Variants in ACSL4 observed in about 807,000 individuals in gnomAD.
The protein encoded by ACSL4 is long-chain-fatty-acid--CoA ligase 4.
ACSL4 carries 9 observed loss-of-function variants against 49.1 expected under a neutral mutation model. The ratio of observed to expected loss-of-function variants is 0.18; its 90% CI spans 0.11 to 0.32. The LOEUF is 0.32. Among genes scored for constraint, ACSL4 ranks in the 10% least tolerant of loss-of-function variants. ACSL4 has a pLI of 1.00. For missense variants in ACSL4, 333 were observed against 493.7 expected (o/e 0.67, Z 3.08); for synonymous variants, 191 against 170.3 (o/e 1.12, Z -0.95).
chrX:109,682,144 TAC>T lies in ACSL4; in HGVS notation c.406+573_406+574del, dbSNP rs776065915. 2.7e-5 allele frequency among the ~76,000 whole-genome samples: 3 copies of T among 112,060 alleles called. No homozygotes were observed. In the South Asian group the frequency reaches 1.1e-3, roughly 42 times the overall value. ...AAATTTAAGCTCTATAATCCTAACT[TAC>T]AGTGTTATATTTCATTCAACAAACA... is the stretch of plus-strand genomic sequence containing the variant. On this transcript the variant is annotated intron_variant, in intron 4 of 15. Transcript: ENST00000672401.
chrX:109,674,576 C>T, intron 8 of ACSL4, 103 bp from the exon 9 acceptor site: 2 of 575,449 alleles, frequency 3.5e-6, no homozygotes, highest in South Asian at 5.3e-5. Flanking sequence ...GGAATTTGAG[C>T]TTTTATTGCT....
chrX:109,667,328 A>T (rs938215983), intron 11 of ACSL4, among the ~76,000 whole-genome samples: 1 of 112,590 alleles, frequency 8.9e-6, no homozygotes, highest in Non-Finnish European at 1.9e-5. Context: ...TGGCAACTAA[A>T]TATTCTGCAA....
chrX:109,644,386 C>T (rs5985751), intron 15 of ACSL4, among the ~76,000 whole-genome samples, 200 bp from the exon 16 acceptor site: 1,613 of 110,388 alleles, frequency 0.015, 25 homozygotes, highest in East Asian at 0.061. Flanking sequence ...TTAATGCTAC[C>T]TCTACCTTAC....
intron 15 of ACSL4, among the ~76,000 whole-genome samples, chrX:109,650,721 CT>C (rs1055170143): frequency 8.9e-6 from 1 of 111,920 alleles, no homozygotes; most frequent in African/African-American, 3.2e-5. Context: ...CTTTGTCTCT[CT>C]ATACCTTCTT....
At chrX:109,695,142 T>TGA (rs781477738) in intron 2 of ACSL4, among the ~76,000 whole-genome samples, 1 of 109,851 alleles carries the variant, frequency 9.1e-6, no homozygotes, top group Admixed American at 9.6e-5. Flanking sequence ...GTCAGGAGTT[T>TGA]GAGACCAGCC....
At chrX:109,706,242 C>G (rs1432701921) in intron 1 of ACSL4, among the ~76,000 whole-genome samples, 1 of 112,112 alleles carries the variant, frequency 8.9e-6, no homozygotes, top group Non-Finnish European at 1.9e-5. Context: ...GACTAAGAAG[C>G]TAAAATAGGG....
intron 1 of ACSL4, among the ~76,000 whole-genome samples, chrX:109,703,467 A>T (rs7057123): frequency 0.018 from 1,970 of 109,371 alleles, 33 homozygotes; most frequent in African/African-American, 0.063. Context: ...TATTTTTTTT[A>T]AAAAAGTAAA....
At chrX:109,670,159 C>T (rs1463823258) in intron 9 of ACSL4, among the ~76,000 whole-genome samples, 1 of 112,354 alleles carries the variant, frequency 8.9e-6, no homozygotes, top group African/African-American at 3.2e-5. Context: ...TTTATAAATA[C>T]GTGTTTCCAA....
chrX:109,731,287 T>A (rs188933761), intron 1 of ACSL4, among the ~76,000 whole-genome samples: 1 of 110,575 alleles, frequency 9.0e-6, no homozygotes, highest in Admixed American at 9.7e-5. Flanking sequence ...TTGTCATATA[T>A]ATTCATTATA....
chrX:109,711,445 T>C (rs1470759859), intron 1 of ACSL4, among the ~76,000 whole-genome samples: 1 of 111,986 alleles, frequency 8.9e-6, no homozygotes, highest in East Asian at 2.8e-4. Flanking sequence ...ATGGATGACC[T>C]AGGGCAAAAT....
chrX:109,715,159 T>A (rs1424102433), intron 1 of ACSL4, among the ~76,000 whole-genome samples: 2 of 112,218 alleles, frequency 1.8e-5, no homozygotes, highest in South Asian at 3.6e-4. Context: ...TAAACATGTA[T>A]AATAATTTTG....
intron 1 of ACSL4, among the ~76,000 whole-genome samples, chrX:109,721,363 G>A (rs5985403): frequency 9.0e-6 from 1 of 110,827 alleles, no homozygotes; most frequent in East Asian, 2.8e-4. Flanking sequence ...AGAGTTGGTC[G>A]TACAAAACCC....
intron 1 of ACSL4, among the ~76,000 whole-genome samples, chrX:109,715,646 T>G (rs5985761): frequency 0.32 from 34,735 of 108,824 alleles, 4,196 homozygotes; most frequent in Middle Eastern, 0.41. Flanking sequence ...TATATATATA[T>G]AGAGAGAGAT....
intron 1 of ACSL4, among the ~76,000 whole-genome samples, chrX:109,718,340 A>G (rs1055440083): frequency 8.9e-6 from 1 of 112,609 alleles, no homozygotes; most frequent in African/African-American, 3.2e-5. Flanking sequence ...AAAGTGTTAT[A>G]TAACAATAAT....
rs1200189941 is a variant in ACSL4, at chrX:109,678,007, G to A, written c.911C>T (p.Pro304Leu). 1.7e-6 allele frequency: 2 copies of A among 1,211,278 alleles called. No individual in the cohort carries two copies. The highest frequency in any genetic ancestry group is 2.2e-6 in the Non-Finnish European group (2 of 895,119). Reference protein sequence around the residue: ...TYGCRIGYSSPLTLSDQSSKI... With the variant: ...TYGCRIGYSSLLTLSDQSSKI... ...TGTCACCTGGTCAGAGAGTGTAAGC[G>A]GAGAAGAATATCCAATCCTGCAGCC... Residue 304 changes from proline (P) to leucine (L), a missense_variant, in exon 8 of 16, where the codon CCG (proline) becomes CTG (leucine). Physicochemically the swap from Pro to Leu is moderately conservative, Grantham distance 98. Transcript: ENST00000672401.
intron 15 of ACSL4, among the ~76,000 whole-genome samples, chrX:109,651,967 G>T (rs1453623006): frequency 9.0e-6 from 1 of 111,719 alleles, no homozygotes; most frequent in East Asian, 2.8e-4. Flanking sequence ...AGTGAGAAAG[G>T]TTAGGAGAAG....
At chrX:109,662,259 T>C (rs776374504) in intron 13 of ACSL4, among the ~76,000 whole-genome samples, 2 of 111,259 alleles carry the variant, frequency 1.8e-5, no homozygotes, top group East Asian at 5.6e-4. Context: ...TGAGTGCTGA[T>C]TTGCCTACCC....
chrX:109,682,690 T>A (rs1569428848), intron 4 of ACSL4, 29 bp downstream of exon 4: 1 of 1,206,708 alleles, frequency 8.3e-7, no homozygotes, highest in East Asian at 3.0e-5. Context: ...GACCCTCCTC[T>A]CCCCCCTCCA....
intron 6 of ACSL4, 149 bp downstream of exon 6, chrX:109,680,849 T>C (rs1924106784): frequency 9.0e-6 from 5 of 553,927 alleles, no homozygotes; most frequent in Non-Finnish European, 1.5e-5. Context: ...CTTAATCATA[T>C]ATGGTCTTGA....
Sources: allele counts gnomAD v4.1 joint callset (sites outside exome capture counted in the v4.1 genomes callset), GRCh38; gene constraint gnomAD v4.1.1; transcripts MANE v1.5; gene names NCBI Gene and HGNC (gene_info 2026-07-23, HGNC 2026-07-21).